CCDC178: variants seen among roughly 807,000 people sequenced by gnomAD.
CCDC178 encodes the protein coiled-coil domain-containing protein 178.
Under a neutral mutation model 117.4 loss-of-function variants are expected in CCDC178, and 126 were observed. The ratio of observed to expected loss-of-function variants is 1.07; its 90% CI spans 0.93 to 1.24. The LOEUF is 1.24. Ranked by LOEUF, CCDC178 falls within the 50% of genes most tolerant of loss-of-function variation. The probability of loss-of-function intolerance (pLI) is 0.00; values close to 1 mark genes in which losing one functional copy is unlikely to be tolerated. For synonymous variants in CCDC178, 283 were observed against 313.4 expected, an observed-to-expected ratio of 0.90 and a Z score of 1.02; for missense variants, 1,030 against 986.9, an observed-to-expected ratio of 1.04 and a Z score of -0.59.
At chr18:33,285,948 C>A in intron 12 of CCDC178, among the ~76,000 whole-genome samples, 1 of 149,842 alleles carries the variant, frequency 6.7e-6, no homozygotes, top group South Asian at 2.1e-4. Flanking sequence ...TGTTGAAATC[C>A]TATTATTTAA....
chr18:33,228,358 A>C (rs2059332852), intron 15 of CCDC178, among the ~76,000 whole-genome samples: 1 of 152,182 alleles, frequency 6.6e-6, no homozygotes, highest in Admixed American at 6.5e-5. Flanking sequence ...GTGAGAAAGC[A>C]AGTTATTATT....
chr18:33,076,682 T>C (rs930540239), intron 21 of CCDC178, among the ~76,000 whole-genome samples: 4 of 152,202 alleles, frequency 2.6e-5, no homozygotes, highest in Admixed American at 2.6e-4. Context: ...AGTCAGCTCG[T>C]GGTGTGTGTG....
chr18:33,182,634 T>C (rs2058744765), intron 20 of CCDC178, among the ~76,000 whole-genome samples: 1 of 152,000 alleles, frequency 6.6e-6, no homozygotes, highest in Non-Finnish European at 1.5e-5. Flanking sequence ...ATCAAAGGAA[T>C]GTATGCATAG....
chr18:33,031,972 T>C (rs925134642), intron 21 of CCDC178, among the ~76,000 whole-genome samples: 1 of 152,084 alleles, frequency 6.6e-6, no homozygotes. Flanking sequence ...TAATATAATG[T>C]TGAGTGGAAG....
rs2060178547 is a variant in CCDC178 at position 33,292,426 on chromosome 18, A to AG, written c.1176+732dup. Among the ~76,000 whole-genome samples the AG allele has an allele frequency of 2.0e-5, 3 of 152,114 alleles. No individual in the cohort carries two copies. In the South Asian group the frequency reaches 6.2e-4, roughly 32 times the overall value. ...GTGATAACTAGAGACTAGGAAGGGT[A>AG]GGGGGTAGGGACATAGAGAGAGGTT... On this transcript the variant is annotated intron_variant, in intron 12 of 22. Transcript: ENST00000383096.
chr18:33,036,300 A>C (rs1239353396), intron 21 of CCDC178, among the ~76,000 whole-genome samples: 1 of 151,858 alleles, frequency 6.6e-6, no homozygotes, highest in African/African-American at 2.4e-5. Context: ...GAAAAAATCT[A>C]TTTATTATAT....
intron 6 of CCDC178, among the ~76,000 whole-genome samples, chr18:33,361,504 T>TA (rs1006840871): frequency 1.0e-4 from 15 of 147,622 alleles, no homozygotes; most frequent in Middle Eastern, 3.4e-3. Context: ...TGCATCAAAC[T>TA]AAAAAAAAAT....
chr18:32,995,965 AC>A (rs1807302752), intron 21 of CCDC178, among the ~76,000 whole-genome samples: 1 of 143,594 alleles, frequency 7.0e-6, no homozygotes, highest in South Asian at 2.3e-4. Context: ...CTCTATATTT[AC>A]ATATATATAT....
At chr18:33,285,246 T>G (rs1156415284) in intron 12 of CCDC178, among the ~76,000 whole-genome samples, 1 of 152,154 alleles carries the variant, frequency 6.6e-6, no homozygotes, top group Non-Finnish European at 1.5e-5. Flanking sequence ...TTTAGATTAT[T>G]TCCTGGGCCA....
intron 22 of CCDC178, among the ~76,000 whole-genome samples, chr18:32,946,888 TC>T (rs1190107246): frequency 1.3e-5 from 2 of 151,886 alleles, no homozygotes; most frequent in South Asian, 2.1e-4. Context: ...CACGCCATTC[TC>T]CTGTCTTAGC....
intron 21 of CCDC178, among the ~76,000 whole-genome samples, chr18:33,007,515 A>T (rs1332530416): frequency 6.6e-6 from 1 of 152,096 alleles, no homozygotes; most frequent in African/African-American, 2.4e-5. Context: ...AGCTTGTCTC[A>T]CTGTCATCAC....
At chr18:33,295,200 A>G (rs1355490290) in intron 11 of CCDC178, among the ~76,000 whole-genome samples, 1 of 152,172 alleles carries the variant, frequency 6.6e-6, no homozygotes, top group East Asian at 1.9e-4. Context: ...TACAAAATCA[A>G]TTTAATGAAA....
chr18:33,347,866 T>C (rs1222377032), intron 8 of CCDC178, among the ~76,000 whole-genome samples: 2 of 152,016 alleles, frequency 1.3e-5, no homozygotes, highest in African/African-American at 4.8e-5. Flanking sequence ...TCATTTTTTT[T>C]TCTTGAGTGC....
intron 20 of CCDC178, among the ~76,000 whole-genome samples, chr18:33,140,405 G>A (rs865890655): frequency 2.0e-5 from 3 of 152,138 alleles, no homozygotes; most frequent in South Asian, 4.1e-4. Context: ...GCAGTTGGGA[G>A]GGAAGTTGTA....
At chr18:33,356,434 C>A in intron 6 of CCDC178, 88 bp from the exon 7 acceptor site, 1 of 1,203,584 alleles carries the variant, frequency 8.3e-7, no homozygotes, top group Non-Finnish European at 1.1e-6. Context: ...CAATTCTCTA[C>A]TTTACATATC....
rs569527484 is a variant in CCDC178 at position 33,196,402 on chromosome 18, C to T, written c.2238+15494G>A. 1.3e-3 allele frequency among the ~76,000 whole-genome samples: 202 copies of T among 152,280 alleles called. 1 individual carries two copies. Among genetic ancestry groups the T allele is most frequent in the African/African-American group, 4.6e-3 (191 of 41,564 alleles). ...GCTCCGTATTTAGACCCTTCCTGGA[C>T]TCGGTGCTATATGTTTCCCCTTGGC... On this transcript the variant is annotated intron_variant, in intron 20 of 22. Coordinates refer to ENST00000383096, the MANE Select transcript of CCDC178 (RefSeq NM_001105528.4).
chr18:33,333,174 C>T lies in CCDC178; in HGVS notation c.879G>A (p.Glu293=). 3 of 1,551,602 alleles carry T rather than the reference C, an allele frequency of 1.9e-6. No homozygotes were observed. Among genetic ancestry groups the T allele is most frequent in the Non-Finnish European group, 2.6e-6 (3 of 1,138,572 alleles). ...DLKNHYKKKM[E]VMDLHRKVNE... is the part of the protein sequence containing the mutation. ...AATGCTCATGCATTCGTTTATTTAC[C>T]TCCATTTTTTTTTTATAATGGTTCT... Residue 293 remains glutamate, a splice_region_variant and synonymous_variant, in exon 10 of 23, where the codon GAG becomes GAA. Coordinates refer to ENST00000383096, the MANE Select transcript of CCDC178 (RefSeq NM_001105528.4).
At chr18:33,439,410 G>A (rs1335105125) in intron 2 of CCDC178, among the ~76,000 whole-genome samples, 3 of 152,256 alleles carry the variant, frequency 2.0e-5, no homozygotes, top group African/African-American at 7.2e-5. Context: ...ATAGTGGGTA[G>A]ACTAACAATC....
chr18:33,328,365 T>C (rs2062617539), intron 10 of CCDC178, among the ~76,000 whole-genome samples: 1 of 152,136 alleles, frequency 6.6e-6, no homozygotes, highest in Non-Finnish European at 1.5e-5. Context: ...CCTCCCAAAG[T>C]GCTGGGATTA....
Sources: allele counts gnomAD v4.1 joint callset (sites outside exome capture counted in the v4.1 genomes callset), GRCh38; gene constraint gnomAD v4.1.1; transcripts MANE v1.5; gene names NCBI Gene and HGNC (gene_info 2026-07-23, HGNC 2026-07-21).